Variants in ZSWIM4 observed in about 807,000 individuals in gnomAD.
ZSWIM4 encodes the protein zinc finger SWIM domain-containing protein 4.
Under a neutral mutation model 102.5 loss-of-function variants are expected in ZSWIM4, and 62 were observed. That is an observed-to-expected ratio of 0.60 (90% CI 0.49 to 0.75). The LOEUF (loss-of-function observed/expected upper bound fraction) is 0.75. ZSWIM4 is among the 30% of genes least tolerant of loss of function. The pLI is 0.00. For synonymous variants in ZSWIM4, 652 were observed against 674.5 expected (o/e 0.97, Z 0.52); for missense variants, 1,280 against 1,529.6 (o/e 0.84, Z 2.72).
intron 5 of ZSWIM4, among the ~76,000 whole-genome samples, chr19:13,810,685 C>T (rs1358069100): frequency 6.6e-6 from 1 of 151,998 alleles, no homozygotes; most frequent in Non-Finnish European, 1.5e-5. Flanking sequence ...TCTCAGCTCA[C>T]TGCAAGCTCT....
Position 13,809,233 on chromosome 19 carries a change from C to A in ZSWIM4, c.1012+13C>A. ...TGGGATGAGCTGGGTGAGGCCCAAA[C>A]CCCGGTGCGTGGTGGACACCGGGAC... is the stretch of plus-strand genomic sequence containing the variant. On this transcript the variant is annotated intron_variant, in intron 5 of 13. Transcript: ENST00000590508. The surrounding 1 kb of genome is among the most constrained non-coding windows in gnomAD (Gnocchi z 4.2). 1 of 1,589,374 alleles carries A rather than the reference C, an allele frequency of 6.3e-7. No homozygotes were observed. Among genetic ancestry groups the A allele is most frequent in the South Asian group, 1.1e-5 (1 of 90,052 alleles).
Position 13,830,678 on chromosome 19 carries a change from C to A in ZSWIM4, c.2949C>A (p.Val983=), listed in dbSNP as rs773705187. 6.2e-7 allele frequency: 1 copy of A among 1,605,268 alleles called. No individual in the cohort carries two copies. Among genetic ancestry groups the A allele is most frequent in the Non-Finnish European group, 8.5e-7 (1 of 1,179,414 alleles). The stretch of plus-strand genomic sequence containing the variant: ...GCCGGCACGAGCTCTCTGCCATCGT[C>A]CCCCTCATCATTCGCAGCATCCACT... The part of the protein sequence containing the change: ...SLGRHELSAI[V]PLIIRSIHCA... The change falls in exon 14 of 14, where the codon GTC becomes GTA. Residue 983 remains valine, a synonymous_variant. Coordinates refer to ENST00000590508, the MANE Select transcript of ZSWIM4 (RefSeq NM_001367834.3).
chr19:13,817,338 C>A lies in ZSWIM4; in HGVS notation c.1654C>A (p.Leu552Ile). 6.2e-7 allele frequency: 1 copy of A among 1,613,624 alleles called. No homozygotes were observed. Among genetic ancestry groups the A allele is most frequent in the Non-Finnish European group, 8.5e-7 (1 of 1,179,670 alleles). ...GGCCTGTCGTCTGGAGGAGGAGACA[C>A]TTACCCTTTACCCAGGTACTCACAT... is the stretch of plus-strand genomic sequence containing the variant. ...LEACRLEEET[L>I]TLYPDSGPEK... The change falls in exon 8 of 14, where the codon CTT becomes ATT. Residue 552 changes from leucine (L) to isoleucine (I), a missense_variant. By Grantham distance (5) the Leu-to-Ile change is conservative. Transcript: ENST00000590508.
At chr19:13,815,699 T>C (rs1445507844) in intron 7 of ZSWIM4, among the ~76,000 whole-genome samples, 1 of 149,618 alleles carries the variant, frequency 6.7e-6, no homozygotes, top group Non-Finnish European at 1.5e-5. Flanking sequence ...CTCGAACTCC[T>C]GACCTTTTGA....
intron 7 of ZSWIM4, among the ~76,000 whole-genome samples, chr19:13,815,659 A>T (rs1441297242): frequency 6.0e-5 from 9 of 150,338 alleles, no homozygotes; most frequent in Non-Finnish European, 1.0e-4. Flanking sequence ...TTTAGTAGAG[A>T]TGGGGTTTCA....
intron 9 of ZSWIM4, among the ~76,000 whole-genome samples, chr19:13,818,612 G>T (rs1975369813): frequency 6.6e-6 from 1 of 152,182 alleles, no homozygotes; most frequent in Non-Finnish European, 1.5e-5. Context: ...CACCCAGGCT[G>T]GAGTGCAGTG....
intron 10 of ZSWIM4, among the ~76,000 whole-genome samples, chr19:13,819,830 G>A (rs1249081537): frequency 1.4e-5 from 2 of 147,032 alleles, no homozygotes; most frequent in Non-Finnish European, 3.0e-5. Flanking sequence ...ACCATGCCCA[G>A]CTAATTTTTG....
chr19:13,796,682 C>T (rs1425753340), intron 1 of ZSWIM4: 1 of 152,338 alleles, frequency 6.6e-6, no homozygotes, highest in Non-Finnish European at 1.5e-5. Context: ...CACCTAGAAG[C>T]TCTCTTCTGT....
At chr19:13,796,484 C>T (rs1219354461) in intron 1 of ZSWIM4, 2 of 152,528 alleles carry the variant, frequency 1.3e-5, no homozygotes, top group East Asian at 3.9e-4. Flanking sequence ...TCCACCTGTT[C>T]CTTGGGGACC....
In ZSWIM4 at chr19:13,830,618, C is replaced by A; in HGVS notation, c.2889C>A (p.Asp963Glu). The change falls in exon 14 of 14, where the codon GAC (aspartate) becomes GAA (glutamate). Residue 963 changes from aspartate to glutamate, a missense_variant. Physicochemically the swap from Asp to Glu is conservative, Grantham distance 45 (BLOSUM62 2). Transcript: ENST00000590508. ...AGGACAGCCACCCTGCCGTCAACGACGTGCTTTGGGCCTGCTCTCTCAGCC... is the reference window on the plus strand; with the variant it reads ...AGGACAGCCACCCTGCCGTCAACGAAGTGCTTTGGGCCTGCTCTCTCAGCC... Reference protein sequence around the residue: ...FNQDSHPAVNDVLWACSLSHS... With the variant: ...FNQDSHPAVNEVLWACSLSHS... The A allele has an allele frequency of 6.2e-7, 1 of 1,600,326 alleles. No homozygotes were observed. The highest frequency in any genetic ancestry group is 8.5e-7 in the Non-Finnish European group (1 of 1,179,796).
intron 1 of ZSWIM4, chr19:13,796,819 T>C (rs987018736): frequency 3.9e-5 from 6 of 152,248 alleles, no homozygotes; most frequent in African/African-American, 1.2e-4. Context: ...ACACACGGGC[T>C]CTATCCTCTG....
chr19:13,811,968 G>A (rs571718252), intron 5 of ZSWIM4, among the ~76,000 whole-genome samples: 32 of 152,076 alleles, frequency 2.1e-4, no homozygotes, highest in African/African-American at 7.0e-4. Flanking sequence ...CCAGCTACTT[G>A]GGAGGCTGAG....
At chr19:13,823,209 C>T in intron 10 of ZSWIM4, 137 bp from the exon 11 acceptor site, 2 of 791,208 alleles carry the variant, frequency 2.5e-6, no homozygotes, top group East Asian at 2.6e-5. Context: ...ATCTTGCACA[C>T]ACATCTTCCA....
intron 3 of ZSWIM4, among the ~76,000 whole-genome samples, chr19:13,805,530 G>A (rs1432459891): frequency 1.3e-5 from 2 of 151,986 alleles, no homozygotes; most frequent in Non-Finnish European, 2.9e-5. Context: ...GGTGTTATGG[G>A]TGAGGGGATA....
At chr19:13,810,267 G>C (rs1975041782) in intron 5 of ZSWIM4, among the ~76,000 whole-genome samples, 1 of 151,860 alleles carries the variant, frequency 6.6e-6, no homozygotes, top group African/African-American at 2.4e-5. Context: ...AGAGTGCTGG[G>C]ATTACAGGTG....
chr19:13,822,696 A>T (rs1449942961), intron 10 of ZSWIM4, among the ~76,000 whole-genome samples: 3 of 152,086 alleles, frequency 2.0e-5, no homozygotes, highest in Admixed American at 2.0e-4. Flanking sequence ...TACAAAAATT[A>T]GGGCCAGGAG....
At chr19:13,817,143 G>T in intron 7 of ZSWIM4, 73 bp from the exon 8 acceptor site, 1 of 1,523,786 alleles carries the variant, frequency 6.6e-7, no homozygotes, top group Non-Finnish European at 8.9e-7. Flanking sequence ...GGCAGGTCAA[G>T]AAGAGGAATA....
intron 3 of ZSWIM4, among the ~76,000 whole-genome samples, chr19:13,806,986 A>C (rs1235963917): frequency 1.3e-5 from 2 of 151,792 alleles, no homozygotes; most frequent in African/African-American, 2.4e-5. Flanking sequence ...TTTGATAATG[A>C]ATGGGTGGTT....
chr19:13,799,313 A>C (rs1599576767), intron 1 of ZSWIM4, among the ~76,000 whole-genome samples: 2 of 129,626 alleles, frequency 1.5e-5, no homozygotes, highest in South Asian at 2.4e-4. Flanking sequence ...TTGCTCTGTC[A>C]CCCAGGCTGG....
Sources: gnomAD v4.1 joint callset for allele counts (sites outside exome capture counted in the v4.1 genomes callset) on GRCh38, gnomAD v4.1.1 for gene constraint, Gnocchi (gnomAD v3.1) non-coding constraint, MANE v1.5 for transcripts, NCBI Gene and HGNC (gene_info 2026-07-23, HGNC 2026-07-21) for gene names.